Variants in GRIP1 observed in about 807,000 individuals in gnomAD.
GRIP1 encodes the protein glutamate receptor-interacting protein 1.
GRIP1 carries 45 observed loss-of-function variants against 129.9 expected under a neutral mutation model. The observed-to-expected ratio is 0.35, with a 90% CI of 0.27 to 0.44. GRIP1 has a LOEUF of 0.44. Ranked by LOEUF, GRIP1 falls within the 20% of genes least tolerant of loss-of-function variation. The probability of loss-of-function intolerance (pLI) is 1.00; values close to 1 mark genes in which losing one functional copy is unlikely to be tolerated. For missense variants in GRIP1, 1,196 were observed against 1,396.8 expected, an observed-to-expected ratio of 0.86 and a Z score of 2.29; for synonymous variants, 530 against 520.8, an observed-to-expected ratio of 1.02 and a Z score of -0.24.
In GRIP1 at chr12:66,678,954, G is replaced by T. The variant is rs765138063; in HGVS notation, c.-50C>A. ...AAGTGTACTCAAGGCTCTCTGCTCTGGTGGCTGCAGCAGCAGCAGCATATG... is the reference window on the plus strand; with the variant it reads ...AAGTGTACTCAAGGCTCTCTGCTCTTGTGGCTGCAGCAGCAGCAGCATATG... On this transcript the variant is annotated 5_prime_UTR_variant, in exon 1 of 25. Transcript: ENST00000359742. 6.2e-7 allele frequency: 1 copy of T among 1,612,060 alleles called. No individual in the cohort carries two copies. The highest frequency in any genetic ancestry group is 8.5e-7 in the Non-Finnish European group (1 of 1,178,740).
intron 8 of GRIP1, 41 bp from the exon 9 acceptor site, chr12:66,463,134 C>T (rs889038987): frequency 6.6e-7 from 1 of 1,524,090 alleles, no homozygotes; most frequent in Non-Finnish European, 9.1e-7. Flanking sequence ...CAGTGCCTTC[C>T]TCTTTGGAAT....
chr12:66,904,398 G>A (rs776689959), intron 1 of GRIP1, among the ~76,000 whole-genome samples: 1 of 152,206 alleles, frequency 6.6e-6, no homozygotes, highest in Non-Finnish European at 1.5e-5. Flanking sequence ...AAGGATCACA[G>A]ATGGAAAATC....
At chr12:66,378,481 C>T (rs1392652334) in intron 20 of GRIP1, among the ~76,000 whole-genome samples, 1 of 151,672 alleles carries the variant, frequency 6.6e-6, no homozygotes, top group Non-Finnish European at 1.5e-5. Flanking sequence ...GGCACGGTGG[C>T]TCACACCTGT....
chr12:66,850,300 G>A (rs1484834513), intron 1 of GRIP1, among the ~76,000 whole-genome samples: 3 of 152,122 alleles, frequency 2.0e-5, no homozygotes, highest in African/African-American at 7.2e-5. Flanking sequence ...CTTTTATACA[G>A]TGCTTCTTAT....
At chr12:66,568,838 T>C (rs1322579283) in intron 2 of GRIP1, 1 of 413,740 alleles carries the variant, frequency 2.4e-6, no homozygotes, top group Non-Finnish European at 4.7e-6. Context: ...AGGCAATTAG[T>C]ACAGGTCCAA....
chr12:66,596,342 T>C (rs916603000), intron 2 of GRIP1, among the ~76,000 whole-genome samples: 2 of 152,222 alleles, frequency 1.3e-5, no homozygotes, highest in African/African-American at 4.8e-5. Flanking sequence ...CTCATTGTAT[T>C]ACAATAATAT....
chr12:66,652,184 T>C (rs533322353), intron 1 of GRIP1, among the ~76,000 whole-genome samples: 2 of 152,272 alleles, frequency 1.3e-5, no homozygotes, highest in South Asian at 4.1e-4. Context: ...CCAAATCTCA[T>C]CTCAAACCGT....
intron 1 of GRIP1, among the ~76,000 whole-genome samples, chr12:66,689,622 A>G (rs1428807328): frequency 6.6e-6 from 1 of 152,200 alleles, no homozygotes; most frequent in Non-Finnish European, 1.5e-5. Flanking sequence ...AATGACCACA[A>G]TCAATTAACA....
intron 23 of GRIP1, among the ~76,000 whole-genome samples, chr12:66,358,490 C>T (rs548116190): frequency 3.9e-5 from 6 of 152,090 alleles, no homozygotes; most frequent in South Asian, 2.1e-4. Context: ...TCTGTCACCC[C>T]GACTGGAATG....
intron 1 of GRIP1, among the ~76,000 whole-genome samples, chr12:66,874,571 C>T (rs1214178579): frequency 6.6e-6 from 1 of 151,894 alleles, no homozygotes; most frequent in Non-Finnish European, 1.5e-5. Flanking sequence ...TCTGGGGAGG[C>T]CTCAGGAAAC....
At chr12:66,520,163 A>C (rs11613182) in intron 5 of GRIP1, among the ~76,000 whole-genome samples, 14,284 of 152,172 alleles carry the variant, frequency 0.094, 830 homozygotes, top group Non-Finnish European at 0.13. Context: ...CTCTTTCCTG[A>C]CTGTCCTAGT....
At chr12:66,621,569 G>A (rs536880733) in intron 1 of GRIP1, among the ~76,000 whole-genome samples, 72 of 152,238 alleles carry the variant, frequency 4.7e-4, no homozygotes, top group African/African-American at 1.6e-3. Flanking sequence ...TGAGGTACAA[G>A]TATCTGTTTG....
At chr12:66,789,025 TG>T (rs2038446235) in intron 1 of GRIP1, among the ~76,000 whole-genome samples, 1 of 152,214 alleles carries the variant, frequency 6.6e-6, no homozygotes, top group Non-Finnish European at 1.5e-5. Context: ...CTTTGTGTTA[TG>T]TTTTCCAAGA....
chr12:67,068,982 G>C (rs1351549980), intron 1 of GRIP1: 3 of 741,370 alleles, frequency 4.0e-6, no homozygotes, highest in Non-Finnish European at 4.9e-6. Flanking sequence ...GAGCCGGGGA[G>C]AGGGAGGCAC....
chr12:66,363,861 A>G (rs745576293), intron 23 of GRIP1, among the ~76,000 whole-genome samples: 11 of 152,320 alleles, frequency 7.2e-5, no homozygotes, highest in Non-Finnish European at 1.6e-4. Context: ...CAATGGGTAC[A>G]AAGTTGGTTA....
intron 19 of GRIP1, among the ~76,000 whole-genome samples, chr12:66,382,721 C>A (rs555743759): frequency 2.6e-4 from 40 of 152,266 alleles, no homozygotes; most frequent in Admixed American, 2.0e-3. Context: ...GTATCAGATA[C>A]TATATATCAG....
chr12:66,749,772 T>C (rs576888763), intron 1 of GRIP1, among the ~76,000 whole-genome samples: 1 of 152,088 alleles, frequency 6.6e-6, no homozygotes, highest in Non-Finnish European at 1.5e-5. Flanking sequence ...AAAATGCAGA[T>C]ATAATGGTGG....
intron 7 of GRIP1, among the ~76,000 whole-genome samples, chr12:66,510,233 A>G (rs1028775497): frequency 6.6e-6 from 1 of 151,842 alleles, no homozygotes; most frequent in African/African-American, 2.4e-5. Flanking sequence ...GGCCTCCATG[A>G]CTCCACGCTT....
In GRIP1 at chr12:66,844,269, T is replaced by C. The variant is rs569577845; in HGVS notation, c.58+224781A>G. On this transcript the variant is annotated intron_variant, in intron 1 of 1. Coordinates refer to the GRIP1 transcript ENST00000643019. Reference sequence around the variant, plus strand: ...CAACAACAAAAATCAAACAACCTGATTTTAAATGGGCAAAAGACTTGAATA... The same window carrying C: ...CAACAACAAAAATCAAACAACCTGACTTTAAATGGGCAAAAGACTTGAATA... 3.6e-4 allele frequency among the ~76,000 whole-genome samples: 55 copies of C among 152,114 alleles called. 1 individual carries two copies. The highest frequency in any genetic ancestry group is 2.2e-4 in the Non-Finnish European group (15 of 68,000).
Sources: allele counts gnomAD v4.1 joint callset (sites outside exome capture counted in the v4.1 genomes callset), GRCh38; gene constraint gnomAD v4.1.1; transcripts MANE v1.5; gene names NCBI Gene and HGNC (gene_info 2026-07-23, HGNC 2026-07-21).